Variants in PJA2 observed in about 807,000 individuals in gnomAD.
The protein encoded by PJA2 is E3 ubiquitin-protein ligase Praja-2.
In PJA2, 25 loss-of-function variants were observed where a neutral mutation model predicts 69.3. The ratio of observed to expected loss-of-function variants is 0.36; its 90% CI spans 0.26 to 0.50. PJA2 has a LOEUF of 0.50. PJA2 is among the 20% of genes least tolerant of loss of function. PJA2 has a pLI of 0.96. For missense variants in PJA2, 809 were observed against 830.2 expected (o/e 0.97, Z 0.31); for synonymous variants, 308 against 277.8 (o/e 1.11, Z -1.08).
At chr5:109,386,647 A>ATT (rs557226178) in intron 1 of PJA2, among the ~76,000 whole-genome samples, 1 of 148,032 alleles carries the variant, frequency 6.8e-6, no homozygotes, top group African/African-American at 2.5e-5. Context: ...TGTTTTTATC[A>ATT]TTTTTTTTTT....
intron 7 of PJA2, among the ~76,000 whole-genome samples, chr5:109,353,345 CAT>C (rs1288062731): frequency 7.8e-6 from 1 of 128,216 alleles, no homozygotes; most frequent in East Asian, 2.2e-4. Context: ...CCTATAATAT[CAT>C]AGACATCTAT....
At chr5:109,352,259 C>T (rs1191453932) in intron 7 of PJA2, among the ~76,000 whole-genome samples, 1 of 152,166 alleles carries the variant, frequency 6.6e-6, no homozygotes, top group East Asian at 1.9e-4. Context: ...GCTCTTCTTT[C>T]AAGATGCCAA....
At chr5:109,396,173 T>C (rs1747404009) in intron 1 of PJA2, among the ~76,000 whole-genome samples, 1 of 152,142 alleles carries the variant, frequency 6.6e-6, no homozygotes, top group Admixed American at 6.5e-5. Context: ...AAAAGACTCA[T>C]CATTAGATAT....
intron 9 of PJA2, among the ~76,000 whole-genome samples, chr5:109,340,986 A>G (rs368975672): frequency 7.2e-6 from 1 of 139,392 alleles, no homozygotes; most frequent in African/African-American, 2.6e-5. Context: ...ATCTCGGCTC[A>G]CTACAACCTA....
In PJA2 at chr5:109,378,934, C is replaced by T; in HGVS notation, c.553G>A (p.Ala185Thr). The T allele has an allele frequency of 6.2e-7, 1 of 1,614,138 alleles. No individual in the cohort carries two copies. Among genetic ancestry groups the T allele is most frequent in the South Asian group, 1.1e-5 (1 of 91,076 alleles). ...GEDNDHLQLS[A>T]EVVEGSRYQE... ...TATCTACTACCTTCCACGACTTCTG[C>T]AGAAAGTTGAAGATGGTCATTATCT... Residue 185 changes from alanine to threonine, a missense_variant, in exon 4 of 10, where the codon GCA becomes ACA. This residue lies in a region of PJA2 where 700 missense variants were observed against 639.5 expected (regional missense o/e 1.09). Transcript: ENST00000361189.
chr5:109,355,835 A>G, intron 7 of PJA2, 80 bp downstream of exon 7: 1 of 926,574 alleles, frequency 1.1e-6, no homozygotes, highest in South Asian at 1.7e-5. Flanking sequence ...TTTTCTTAAG[A>G]GTAGTCTAAA....
chr5:109,389,395 T>C (rs1747233513), intron 1 of PJA2, among the ~76,000 whole-genome samples: 1 of 152,152 alleles, frequency 6.6e-6, no homozygotes, highest in Non-Finnish European at 1.5e-5. Flanking sequence ...TCAGGGATTA[T>C]GACCTTTCAT....
At chr5:109,338,450 G>A (rs1368813859) in intron 9 of PJA2, among the ~76,000 whole-genome samples, 1 of 151,924 alleles carries the variant, frequency 6.6e-6, no homozygotes, top group South Asian at 2.1e-4. Context: ...AACCAGCCTG[G>A]GCAACATGGT....
chr5:109,378,002 A>G (rs1746932254), intron 4 of PJA2, among the ~76,000 whole-genome samples: 1 of 152,218 alleles, frequency 6.6e-6, no homozygotes, highest in Non-Finnish European at 1.5e-5. Context: ...GTAAACTACT[A>G]AAAACCTCAA....
At chr5:109,338,171 G>A (rs1338601971) in intron 9 of PJA2, among the ~76,000 whole-genome samples, 4 of 152,130 alleles carry the variant, frequency 2.6e-5, no homozygotes, top group South Asian at 2.1e-4. Context: ...TCATGCTGTC[G>A]AAGGCAACAA....
At position 109,378,601 on chromosome 5, in the gene PJA2, C is replaced by T; in HGVS notation, c.886G>A (p.Glu296Lys). Residue 296 changes from glutamate (E) to lysine (K), a missense_variant, in exon 4 of 10, where the codon GAA becomes AAA. This residue lies in a region of PJA2 where 700 missense variants were observed against 639.5 expected (regional missense o/e 1.09). Coordinates refer to ENST00000361189, the MANE Select transcript of PJA2 (RefSeq NM_014819.5). ...TTTTCCCTATCATTGGTATTTTGTT[C>T]ACTACAAATATGCCCTGGACCACAG... is the stretch of plus-strand genomic sequence containing the variant. ...AACGPGHICS[E>K]QNTNDREKNH... 6.2e-7 allele frequency: 1 copy of T among 1,614,146 alleles called. No individual in the cohort carries two copies. Among genetic ancestry groups the T allele is most frequent in the Non-Finnish European group, 8.5e-7 (1 of 1,180,008 alleles).
At chr5:109,377,297 T>G (rs1451708882) in intron 4 of PJA2, among the ~76,000 whole-genome samples, 1 of 152,108 alleles carries the variant, frequency 6.6e-6, no homozygotes, top group Non-Finnish European at 1.5e-5. Context: ...ACCACACAAT[T>G]ATTTCCACTA....
rs1414221833 is a variant in PJA2, at chr5:109,382,405, T to A, written c.32-702A>T. On this transcript the variant is annotated intron_variant, in intron 2 of 9. Transcript: ENST00000361189. ...GTTTTGTTGACTGAGGGGTATACAG[T>A]AGTAAACAGCAGCAACTTTCACTAA... Among the ~76,000 whole-genome samples the A allele has an allele frequency of 9.8e-5, 15 of 152,316 alleles. No individual in the cohort carries two copies. In the East Asian group the frequency reaches 1.5e-3, roughly 16 times the overall value.
At chr5:109,404,391 T>TA (rs1158599171) in intron 1 of PJA2, among the ~76,000 whole-genome samples, 1 of 151,662 alleles carries the variant, frequency 6.6e-6, no homozygotes, top group Non-Finnish European at 1.5e-5. Context: ...CATGGTGACA[T>TA]ACGCCTGTAA....
At chr5:109,353,433 CCTATATATAGATATCTATATATTAG>C (rs1762311101) in intron 7 of PJA2, among the ~76,000 whole-genome samples, 1 of 47,466 alleles carries the variant, frequency 2.1e-5, no homozygotes, top group African/African-American at 5.3e-5. Flanking sequence ...ATATTAGATA[CCTATATATAGATATCTATATATTAG>C]ATACCTATAT....
Position 109,387,782 on chromosome 5 carries a change from T to C in PJA2, c.-87-4262A>G, listed in dbSNP as rs375419509. 2.0e-5 allele frequency among the ~76,000 whole-genome samples: 3 copies of C among 151,970 alleles called. No homozygotes were observed. The East Asian group carries it at 5.8e-4, about 30-fold the overall frequency. On this transcript the variant is annotated intron_variant, in intron 1 of 9. Transcript: ENST00000361189. The stretch of plus-strand genomic sequence containing the variant: ...AAGAATGCAAGGAAGAACATGGACA[T>C]GTAAGGTACACTTCTCACAGTAAAC...
rs146927391 is a variant in PJA2 at position 109,390,274 on chromosome 5, T to C, written c.-87-6754A>G. On this transcript the variant is annotated intron_variant, in intron 1 of 9. Coordinates refer to ENST00000361189, the MANE Select transcript of PJA2 (RefSeq NM_014819.5). ...CTTACATATTTGGAAGCTGTGTTAC[T>C]ATGTGAAAACATATTTAGAATTATG... Among the ~76,000 whole-genome samples the C allele has an allele frequency of 6.9e-3, 1,056 of 152,138 alleles. 10 individuals are homozygous for C. Among genetic ancestry groups the C allele is most frequent in the African/African-American group, 0.024 (998 of 41,556 alleles).
chr5:109,354,506 A>G (rs1271426871), intron 7 of PJA2, among the ~76,000 whole-genome samples: 1 of 46,596 alleles, frequency 2.1e-5, no homozygotes, highest in African/African-American at 9.9e-5. Context: ...TATCATAGAT[A>G]TCTATATCGA....
intron 4 of PJA2, among the ~76,000 whole-genome samples, chr5:109,369,794 A>G (rs1304566303): frequency 1.3e-5 from 2 of 152,148 alleles, no homozygotes; most frequent in Non-Finnish European, 2.9e-5. Context: ...GCACTTTGGG[A>G]GGCTGAGGTG....
Sources: gnomAD v4.1 joint callset for allele counts (sites outside exome capture counted in the v4.1 genomes callset) on GRCh38, gnomAD v4.1.1 for gene constraint, gnomAD v4.1.1 regional missense constraint, MANE v1.5 for transcripts, NCBI Gene and HGNC (gene_info 2026-07-23, HGNC 2026-07-21) for gene names.